The following PDE1C variants were observed in gnomAD, a reference collection of about 807,000 sequenced individuals.
PDE1C encodes phosphodiesterase 1C.
In PDE1C, 62 loss-of-function variants were observed where a neutral mutation model predicts 93.1. That is an observed-to-expected ratio of 0.67 (90% CI 0.54 to 0.82). The LOEUF (loss-of-function observed/expected upper bound fraction) is 0.82, where lower values mean the gene tolerates loss of function less well. Among genes scored for constraint, PDE1C ranks in the 40% least tolerant of loss-of-function variants. PDE1C has a pLI of 0.00. For missense variants in PDE1C, 742 were observed against 884.6 expected (o/e 0.84, Z 2.04); for synonymous variants, 325 against 310.1 (o/e 1.05, Z -0.50).
At chr7:32,315,494 C>T (rs944632935) in intron 1 of PDE1C, among the ~76,000 whole-genome samples, 2 of 152,154 alleles carry the variant, frequency 1.3e-5, no homozygotes, top group Non-Finnish European at 2.9e-5. Context: ...CCAAAGCCAG[C>T]AAGTTCAAGT....
chr7:31,718,082 A>G, the PDE1C span, among the ~76,000 whole-genome samples: 1 of 152,030 alleles, frequency 6.6e-6, no homozygotes, highest in Admixed American at 6.5e-5. Flanking sequence ...GCTTCTGGAG[A>G]ATATTAATAC....
intron 1 of PDE1C, among the ~76,000 whole-genome samples, chr7:32,274,678 G>A (rs888300888): frequency 1.3e-5 from 2 of 152,058 alleles, no homozygotes; most frequent in African/African-American, 2.4e-5. Context: ...ACACAGAATC[G>A]AGAAACTTCT....
Position 31,751,501 on chromosome 7 carries a change from G to A in PDE1C, c.*1883C>T, listed in dbSNP as rs1794137408. 1 of 152,062 alleles carries A rather than the reference G, an allele frequency of 6.6e-6. No individual in the cohort carries two copies. Among genetic ancestry groups the A allele is most frequent in the South Asian group, 2.1e-4 (1 of 4,820 alleles). The allele number at this position is 152,062 out of a possible 1,614,324, so 9.4% of individuals were successfully genotyped here. Reference sequence around the variant, plus strand: ...ATTTGAGGAGGCTACTACTCCCATGGGCCTCCTCAGTGTGTAGCCAAATGA... The same window carrying A: ...ATTTGAGGAGGCTACTACTCCCATGAGCCTCCTCAGTGTGTAGCCAAATGA... On this transcript the variant is annotated 3_prime_UTR_variant, in exon 18 of 18. Coordinates refer to ENST00000396191, the MANE Select transcript of PDE1C (RefSeq NM_001191057.4).
chr7:32,032,917 G>A (rs930232133), intron 2 of PDE1C, among the ~76,000 whole-genome samples: 1 of 152,180 alleles, frequency 6.6e-6, no homozygotes, highest in Non-Finnish European at 1.5e-5. Context: ...CAGCAGCAAA[G>A]CTCGGGTACA....
At chr7:31,790,919 A>T (rs1396361489) in intron 16 of PDE1C, among the ~76,000 whole-genome samples, 1 of 152,186 alleles carries the variant, frequency 6.6e-6, no homozygotes, top group Non-Finnish European at 1.5e-5. Context: ...GCAGAATTTA[A>T]AACAACAACC....
Position 32,409,146 on chromosome 7 carries a change from C to T in PDE1C, c.310+18676G>A, listed in dbSNP as rs150746839. Among the ~76,000 whole-genome samples the T allele has an allele frequency of 7.6e-3, 1,156 of 152,120 alleles. 9 individuals are homozygous for T. Among genetic ancestry groups the T allele is most frequent in the African/African-American group, 0.027 (1,115 of 41,490 alleles). On this transcript the variant is annotated intron_variant, in intron 1 of 1. Coordinates refer to the PDE1C transcript ENST00000672256. The stretch of plus-strand genomic sequence containing the variant: ...CCAAGGTGGGCAGATTGCTTAAGCC[C>T]AGGAGTTCGAGACCAGCCTGGGCAA...
At chr7:31,674,639 TATAAC>T in the PDE1C span, among the ~76,000 whole-genome samples, 1 of 152,144 alleles carries the variant, frequency 6.6e-6, no homozygotes, top group Non-Finnish European at 1.5e-5. Flanking sequence ...AAACTTTACT[TATAAC>T]AGAAAGAGCA....
chr7:31,638,068 C>T, the PDE1C span, among the ~76,000 whole-genome samples: 1 of 152,210 alleles, frequency 6.6e-6, no homozygotes, highest in East Asian at 1.9e-4. Flanking sequence ...GGGGCTCCCA[C>T]CAAAGTGTGC....
chr7:32,349,633 AT>A (rs567704676), intron 1 of PDE1C, among the ~76,000 whole-genome samples: 2,709 of 148,966 alleles, frequency 0.018, 25 homozygotes, highest in Middle Eastern at 0.032. Flanking sequence ...TAAAGTTGAA[AT>A]TTTTTTTTTT....
Position 31,864,984 on chromosome 7 carries a change from A to G in PDE1C, c.708T>C (p.Val236=), listed in dbSNP as rs61736721. 511 of 1,614,054 alleles carry G rather than the reference A, an allele frequency of 3.2e-4. 1 individual carries two copies. The African/African-American group carries it at 5.1e-3, about 16-fold the overall frequency. ...AGAGGAGGTAATGCACTGTCTGTGT[A>G]ACATCGGCAGCGTGCATTAAGTTAT... The part of the protein sequence containing the change: ...PYHNLMHAAD[V]TQTVHYLLYK... The change falls in exon 7 of 18, where the codon GTT becomes GTC. Residue 236 remains valine, a synonymous_variant. Transcript: ENST00000396191.
At chr7:31,800,220 T>C (rs1785830194) in intron 16 of PDE1C, among the ~76,000 whole-genome samples, 1 of 151,618 alleles carries the variant, frequency 6.6e-6, no homozygotes, top group Non-Finnish European at 1.5e-5. Context: ...TGAACTGCCT[T>C]TTTATTCTCC....
the PDE1C span, among the ~76,000 whole-genome samples, chr7:31,636,779 C>G: frequency 6.6e-6 from 1 of 150,764 alleles, no homozygotes; most frequent in Non-Finnish European, 1.5e-5. Flanking sequence ...GCGTAATGTG[C>G]AGGTTTGTTA....
At chr7:32,427,748 C>T (rs1043122713) in intron 1 of PDE1C, among the ~76,000 whole-genome samples, 2 of 152,172 alleles carry the variant, frequency 1.3e-5, no homozygotes, top group Non-Finnish European at 2.9e-5. Context: ...CGGGAGATAG[C>T]GCTTTCTCTT....
At chr7:32,406,491 C>CA (rs1276144404) in intron 1 of PDE1C, among the ~76,000 whole-genome samples, 1 of 126,040 alleles carries the variant, frequency 7.9e-6, no homozygotes, top group African/African-American at 3.1e-5. Context: ...TCTTGTTCAG[C>CA]AAAATATATT....
At chr7:32,283,730 C>A (rs1811825333) in intron 1 of PDE1C, among the ~76,000 whole-genome samples, 1 of 152,154 alleles carries the variant, frequency 6.6e-6, no homozygotes, top group Admixed American at 6.5e-5. Flanking sequence ...TTCAACGGTC[C>A]CGTCCCAATG....
chr7:31,638,279 T>C, the PDE1C span, among the ~76,000 whole-genome samples: 1 of 152,210 alleles, frequency 6.6e-6, no homozygotes, highest in African/African-American at 2.4e-5. Flanking sequence ...AAGTCTTAAA[T>C]ATTACACTAG....
chr7:31,839,786 C>G (rs1193607335), intron 9 of PDE1C, among the ~76,000 whole-genome samples: 9 of 152,174 alleles, frequency 5.9e-5, no homozygotes, highest in African/African-American at 1.7e-4. Flanking sequence ...CCTGTAATCC[C>G]AACACTTTGG....
At chr7:31,656,708 G>A in the PDE1C span, among the ~76,000 whole-genome samples, 1 of 152,122 alleles carries the variant, frequency 6.6e-6, no homozygotes, top group Non-Finnish European at 1.5e-5. Context: ...ACTTATTTGT[G>A]GACGGTTTTG....
At chr7:32,156,896 G>A (rs1472376305) in intron 3 of PDE1C, among the ~76,000 whole-genome samples, 1 of 152,136 alleles carries the variant, frequency 6.6e-6, no homozygotes, top group Non-Finnish European at 1.5e-5. Flanking sequence ...TTGTGACAAA[G>A]GTACCCTGAC....
Sources: gnomAD v4.1 joint callset for allele counts (sites outside exome capture counted in the v4.1 genomes callset) on GRCh38, gnomAD v4.1.1 for gene constraint, MANE v1.5 for transcripts, NCBI Gene and HGNC (gene_info 2026-07-23, HGNC 2026-07-21) for gene names.